The following ZNF280D variants were observed in gnomAD, a reference collection of about 807,000 sequenced individuals.
The protein encoded by ZNF280D is suppressor of hairy wing homolog 4.
ZNF280D carries 39 observed loss-of-function variants against 94.7 expected under a neutral mutation model. That is an observed-to-expected ratio of 0.41 (90% CI 0.32 to 0.54). ZNF280D has a LOEUF of 0.54. Among genes scored for constraint, ZNF280D ranks in the 20% least tolerant of loss-of-function variants. ZNF280D has a pLI of 0.22. For synonymous variants in ZNF280D, 398 were observed against 377.6 expected, an observed-to-expected ratio of 1.05 and a Z score of -0.63; for missense variants, 1,090 against 1,149.3, an observed-to-expected ratio of 0.95 and a Z score of 0.75.
At chr15:56,700,839 A>T (rs376211675) in intron 6 of ZNF280D, 94 bp downstream of exon 6, 1 of 1,604,302 alleles carries the variant, frequency 6.2e-7, no homozygotes. Flanking sequence ...ATGACTACTT[A>T]TGACAGTCCA....
At chr15:56,720,660 T>C (rs1298641030) in intron 1 of ZNF280D, among the ~76,000 whole-genome samples, 1 of 152,160 alleles carries the variant, frequency 6.6e-6, no homozygotes, top group African/African-American at 2.4e-5. Flanking sequence ...AGACTTGAAC[T>C]GAAAGTTGAA....
intron 16 of ZNF280D, among the ~76,000 whole-genome samples, chr15:56,661,811 T>C (rs1478089876): frequency 1.3e-5 from 2 of 152,198 alleles, no homozygotes; most frequent in Non-Finnish European, 2.9e-5. Flanking sequence ...ATAGCTATCA[T>C]TACTTGAATA....
At chr15:56,661,108 G>C (rs1237642708) in intron 16 of ZNF280D, among the ~76,000 whole-genome samples, 4 of 152,102 alleles carry the variant, frequency 2.6e-5, no homozygotes, top group African/African-American at 9.7e-5. Context: ...GTTTGTGGTT[G>C]CATGAAGGAA....
intron 1 of ZNF280D, among the ~76,000 whole-genome samples, chr15:56,725,750 T>C (rs748355417): frequency 4.6e-5 from 7 of 152,064 alleles, no homozygotes; most frequent in Non-Finnish European, 8.8e-5. Context: ...GTCAAAAATT[T>C]GTAAGTTACA....
At chr15:56,651,754 T>C (rs2053219718) in intron 19 of ZNF280D, among the ~76,000 whole-genome samples, 1 of 152,184 alleles carries the variant, frequency 6.6e-6, no homozygotes, top group Non-Finnish European at 1.5e-5. Flanking sequence ...TTTTTATTTG[T>C]ATTTTTTATT....
At chr15:56,661,302 T>A (rs962398620) in intron 16 of ZNF280D, among the ~76,000 whole-genome samples, 1 of 152,176 alleles carries the variant, frequency 6.6e-6, no homozygotes, top group Non-Finnish European at 1.5e-5. Context: ...GGAAAGGTGT[T>A]ATATTTTCCA....
intron 14 of ZNF280D, among the ~76,000 whole-genome samples, chr15:56,668,501 T>A (rs1189244349): frequency 6.6e-6 from 1 of 152,108 alleles, no homozygotes; most frequent in Non-Finnish European, 1.5e-5. Flanking sequence ...AAGCATCTTA[T>A]AGTTTAGCAA....
At chr15:56,694,451 C>T (rs1168375644) in intron 6 of ZNF280D, among the ~76,000 whole-genome samples, 1 of 151,410 alleles carries the variant, frequency 6.6e-6, no homozygotes, top group East Asian at 1.9e-4. Flanking sequence ...AGCGGATTAA[C>T]AATGATTAAA....
rs2054298844 is a variant in ZNF280D at position 56,666,547 on chromosome 15, AT to A, written c.1854-13del. 1.9e-6 allele frequency: 3 copies of A among 1,566,288 alleles called. No homozygotes were observed. The East Asian group carries it at 6.9e-5, about 36-fold the overall frequency. On this transcript the variant is annotated splice_polypyrimidine_tract_variant and intron_variant, in intron 15 of 21. Coordinates refer to ENST00000267807, the MANE Select transcript of ZNF280D (RefSeq NM_017661.4). ...TGCCCCGACGATACCTTAGGGAGAC[AT>A]TAAAAAAATGATAAAAATATATTTT...
chr15:56,698,325 A>C (rs1313639610), intron 6 of ZNF280D: 2 of 152,250 alleles, frequency 1.3e-5, no homozygotes, highest in Non-Finnish European at 2.9e-5. Context: ...TTATTTATGA[A>C]CACCACCACC....
chr15:56,674,030 T>C (rs985366506), intron 13 of ZNF280D, among the ~76,000 whole-genome samples: 4 of 152,096 alleles, frequency 2.6e-5, no homozygotes, highest in Admixed American at 6.6e-5. Context: ...TCTACTATAA[T>C]GTAAATTCCA....
intron 7 of ZNF280D, among the ~76,000 whole-genome samples, chr15:56,692,356 C>A (rs931878373): frequency 6.6e-6 from 1 of 151,810 alleles, no homozygotes; most frequent in South Asian, 2.1e-4. Flanking sequence ...GCTAGTAAAT[C>A]TAAAAATTCC....
At chr15:56,665,002 C>G (rs1025439987) in intron 16 of ZNF280D, among the ~76,000 whole-genome samples, 2 of 151,556 alleles carry the variant, frequency 1.3e-5, no homozygotes, top group South Asian at 2.1e-4. Flanking sequence ...AAGGAATGAA[C>G]AGTTTATAGG....
At chr15:56,660,795 G>A (rs996392329) in intron 16 of ZNF280D, among the ~76,000 whole-genome samples, 20 of 152,080 alleles carry the variant, frequency 1.3e-4, no homozygotes, top group African/African-American at 4.8e-4. Flanking sequence ...AGAAAACTGA[G>A]GTCAAAAACC....
At chr15:56,675,955 T>G (rs963776240) in intron 13 of ZNF280D, among the ~76,000 whole-genome samples, 1 of 152,034 alleles carries the variant, frequency 6.6e-6, no homozygotes, top group Non-Finnish European at 1.5e-5. Flanking sequence ...ATCAAAATTT[T>G]TAGCCCAAAT....
chr15:56,701,671 C>T (rs112973482), intron 4 of ZNF280D, among the ~76,000 whole-genome samples: 2 of 152,018 alleles, frequency 1.3e-5, no homozygotes, highest in Non-Finnish European at 2.9e-5. Context: ...GATTCAAAAT[C>T]AAATCCTTGC....
chr15:56,637,447 T>C (rs370852415), intron 20 of ZNF280D, among the ~76,000 whole-genome samples: 1 of 152,030 alleles, frequency 6.6e-6, no homozygotes, highest in East Asian at 1.9e-4. Context: ...TCCCAAAGTG[T>C]TGGGATTACA....
intron 1 of ZNF280D, among the ~76,000 whole-genome samples, chr15:56,708,515 T>G (rs80031000): frequency 0.038 from 5,829 of 152,286 alleles, 360 homozygotes; most frequent in Admixed American, 0.16. Context: ...GACTCATACA[T>G]AATGTTTTTA....
intron 6 of ZNF280D, among the ~76,000 whole-genome samples, chr15:56,696,548 T>C (rs1481864327): frequency 6.6e-6 from 1 of 152,220 alleles, no homozygotes; most frequent in Admixed American, 6.5e-5. Context: ...ATTGACTTTC[T>C]GGGTCATAAT....
Sources: allele counts gnomAD v4.1 joint callset (sites outside exome capture counted in the v4.1 genomes callset), GRCh38; gene constraint gnomAD v4.1.1; transcripts MANE v1.5; gene names NCBI Gene and HGNC (gene_info 2026-07-23, HGNC 2026-07-21).